COL21A1: variants seen among roughly 807,000 people sequenced by gnomAD.
COL21A1 encodes collagen alpha-1(XXI) chain.
Under a neutral mutation model 137.9 loss-of-function variants are expected in COL21A1, and 149 were observed. The observed-to-expected ratio is 1.08, with a 90% CI of 0.95 to 1.24. The LOEUF (loss-of-function observed/expected upper bound fraction) is 1.24, where lower values mean the gene tolerates loss of function less well. COL21A1 is among the 50% of genes most tolerant of loss of function. The probability of loss-of-function intolerance (pLI) is 0.00; values close to 1 mark genes in which losing one functional copy is unlikely to be tolerated. For synonymous variants in COL21A1, 456 were observed against 391.5 expected, an observed-to-expected ratio of 1.16 and a Z score of -1.95; for missense variants, 1,167 against 1,158.4, an observed-to-expected ratio of 1.01 and a Z score of -0.11.
At chr6:56,355,359 T>C (rs753894163) in intron 1 of COL21A1, among the ~76,000 whole-genome samples, 2 of 150,918 alleles carry the variant, frequency 1.3e-5, no homozygotes, top group Non-Finnish European at 2.9e-5. Flanking sequence ...ATTCAGACTG[T>C]GGGAAACACA....
intron 1 of COL21A1, among the ~76,000 whole-genome samples, chr6:56,265,729 T>A (rs1763376650): frequency 6.6e-6 from 1 of 152,210 alleles, no homozygotes; most frequent in Non-Finnish European, 1.5e-5. Context: ...GCTTCTTCCA[T>A]GTTCAAAAGG....
chr6:56,307,384 C>T (rs1764489299), intron 1 of COL21A1, among the ~76,000 whole-genome samples: 1 of 152,234 alleles, frequency 6.6e-6, no homozygotes, highest in South Asian at 2.1e-4. Context: ...GTTCCAGCTT[C>T]CCAGCTGCTT....
At chr6:56,248,465 A>G (rs1782759814), upstream of COL21A1, among the ~76,000 whole-genome samples, 1 of 152,014 alleles carries the variant, frequency 6.6e-6, no homozygotes, top group Non-Finnish European at 1.5e-5. Flanking sequence ...GCCCAACCCC[A>G]CTTTGGTTTC....
chr6:56,093,418 T>C (rs2114216432), intron 17 of COL21A1, among the ~76,000 whole-genome samples: 1 of 152,276 alleles, frequency 6.6e-6, no homozygotes, highest in African/African-American at 2.4e-5. Flanking sequence ...CAATATCCCT[T>C]TCCATCTGTG....
At chr6:56,242,178 TACA>T (rs1202785819) in intron 1 of COL21A1, among the ~76,000 whole-genome samples, 2 of 152,164 alleles carry the variant, frequency 1.3e-5, no homozygotes, top group East Asian at 3.8e-4. Context: ...AAAATACGTA[TACA>T]ACAAGGTCTA....
chr6:56,190,738 A>G (rs945275909), intron 1 of COL21A1, among the ~76,000 whole-genome samples: 1 of 152,170 alleles, frequency 6.6e-6, no homozygotes, highest in Non-Finnish European at 1.5e-5. Flanking sequence ...AAACTTATCC[A>G]CAACAATCAA....
chr6:56,173,729 G>A (rs1033961587), intron 3 of COL21A1, among the ~76,000 whole-genome samples: 11 of 151,986 alleles, frequency 7.2e-5, no homozygotes, highest in Admixed American at 2.0e-4. Flanking sequence ...CAGAACTGAA[G>A]GGAGAAATAG....
intron 1 of COL21A1, among the ~76,000 whole-genome samples, chr6:56,283,931 A>G (rs1469546414): frequency 6.6e-6 from 1 of 151,922 alleles, no homozygotes; most frequent in Non-Finnish European, 1.5e-5. Flanking sequence ...CAAACAGTAA[A>G]CATAACAGGA....
intron 17 of COL21A1, among the ~76,000 whole-genome samples, 169 bp downstream of exon 17, chr6:56,101,303 A>T (rs1048413515): frequency 1.3e-5 from 2 of 152,200 alleles, no homozygotes; most frequent in African/African-American, 4.8e-5. Flanking sequence ...AAGAGGATTC[A>T]ACATTTCAAT....
chr6:56,167,201 G>A (rs1224329189), intron 6 of COL21A1, among the ~76,000 whole-genome samples: 2 of 152,170 alleles, frequency 1.3e-5, no homozygotes, highest in Non-Finnish European at 2.9e-5. Context: ...AGCACCAAGA[G>A]CAAATCGATT....
chr6:56,374,654 G>A (rs547198543), intron 1 of COL21A1, among the ~76,000 whole-genome samples: 7 of 150,236 alleles, frequency 4.7e-5, no homozygotes, highest in African/African-American at 9.8e-5. Context: ...CCCGGGAGGC[G>A]GAGTTTGCAG....
rs745346951 is a variant in COL21A1, at chr6:56,182,559, C to G, written c.60G>C (p.Val20=). 1.9e-6 allele frequency: 3 copies of G among 1,605,054 alleles called. No homozygotes were observed. In the Admixed American group the frequency reaches 5.1e-5, roughly 27 times the overall value. The change falls in exon 2 of 30, where the codon GTG becomes GTC. Residue 20 remains valine (V), a synonymous_variant. Coordinates refer to ENST00000244728, the MANE Select transcript of COL21A1 (RefSeq NM_030820.4). The part of the protein sequence containing the change: ...MVLVLLLQNS[V]LAEDGEVRSS... ...ATCTTACTTCCCCATCTTCAGCTAA[C>G]ACAGAATTCTGAAGAAGCAGCACCA... is the stretch of plus-strand genomic sequence containing the variant.
intron 1 of COL21A1, among the ~76,000 whole-genome samples, chr6:56,286,189 G>A (rs969188267): frequency 8.5e-5 from 13 of 152,202 alleles, no homozygotes; most frequent in African/African-American, 3.1e-4. Context: ...AAGTCTGTTA[G>A]AGAAGAGACC....
At chr6:56,180,828 T>C (rs557665166) in intron 2 of COL21A1, among the ~76,000 whole-genome samples, 46 of 152,258 alleles carry the variant, frequency 3.0e-4, no homozygotes, top group Admixed American at 1.1e-3. Context: ...AGAAGACAAA[T>C]ATAGCTGTTC....
rs958230656 is a variant in COL21A1, at chr6:56,238,109, A to G, written c.-39+9278T>C. Among the ~76,000 whole-genome samples, 3 of 152,140 alleles carry G rather than the reference A, an allele frequency of 2.0e-5. No individual in the cohort carries two copies. In the East Asian group the frequency reaches 5.8e-4, roughly 29 times the overall value. On this transcript the variant is annotated intron_variant, in intron 1 of 29. Transcript: ENST00000244728. ...TAGCCTTCACATTACTGGGTATGAA[A>G]CAATCAACAACCTGCTCAAAGTACT... is the stretch of plus-strand genomic sequence containing the variant.
rs943374535 is a variant in COL21A1, at chr6:56,060,981, A to G, written c.2262T>C (p.Ser754=). Reference sequence around the variant, plus strand: ...CGGGCCCCATCAAGCCATCCACCCCAGATTCTCCTTTTGATCCAATGGCAC... The same window carrying G: ...CGGGCCCCATCAAGCCATCCACCCCGGATTCTCCTTTTGATCCAATGGCAC... The part of the protein sequence containing the change: ...VRGAIGSKGE[S]GVDGLMGPAG... Residue 754 remains serine, a synonymous_variant, in exon 26 of 30, where the codon TCT becomes TCC. Transcript: ENST00000244728. 8 of 1,608,300 alleles carry G rather than the reference A, an allele frequency of 5.0e-6. No individual in the cohort carries two copies. The Admixed American group carries it at 1.2e-4, about 24-fold the overall frequency.
intron 1 of COL21A1, among the ~76,000 whole-genome samples, chr6:56,298,306 G>C (rs534424410): frequency 2.2e-3 from 329 of 152,130 alleles, no homozygotes; most frequent in Non-Finnish European, 3.8e-3. Flanking sequence ...AAAATCAATA[G>C]AATTTGAGTT....
At chr6:56,114,950 T>G (rs1276758335) in intron 16 of COL21A1, among the ~76,000 whole-genome samples, 4 of 150,580 alleles carry the variant, frequency 2.7e-5, no homozygotes, top group African/African-American at 4.9e-5. Context: ...TAGACTGGAT[T>G]AAGAAAATGT....
At chr6:56,308,773 G>A (rs987280358) in intron 1 of COL21A1, among the ~76,000 whole-genome samples, 1 of 152,142 alleles carries the variant, frequency 6.6e-6, no homozygotes, top group African/African-American at 2.4e-5. Flanking sequence ...CAATTTCTCA[G>A]TTGTACTAGC....
Sources: gnomAD v4.1 joint callset for allele counts (sites outside exome capture counted in the v4.1 genomes callset) on GRCh38, gnomAD v4.1.1 for gene constraint, MANE v1.5 for transcripts, NCBI Gene and HGNC (gene_info 2026-07-23, HGNC 2026-07-21) for gene names.